The following KCNH1 variants were observed in gnomAD, a reference collection of about 807,000 sequenced individuals.
The protein encoded by KCNH1 is potassium voltage-gated channel subfamily H member 1.
Under a neutral mutation model 69.2 loss-of-function variants are expected in KCNH1, and 27 were observed. The observed-to-expected ratio is 0.39, with a 90% CI of 0.29 to 0.54. KCNH1 has a LOEUF of 0.54. Ranked by LOEUF, KCNH1 falls within the 20% of genes least tolerant of loss-of-function variation. KCNH1 has a pLI of 0.68. For missense variants in KCNH1, 798 were observed against 1,261.6 expected (o/e 0.63, Z 5.57); for synonymous variants, 456 against 487.7 (o/e 0.93, Z 0.86).
chr1:211,002,973 A>AG (rs935220764), intron 6 of KCNH1, among the ~76,000 whole-genome samples: 17 of 152,156 alleles, frequency 1.1e-4, no homozygotes, highest in Non-Finnish European at 2.5e-4. Flanking sequence ...CCACTACACC[A>AG]GGGGTCAGCC....
In KCNH1 at chr1:211,027,644, GTGAACT is replaced by G. The variant is rs1186237471; in HGVS notation, c.559-8394_559-8389del. ...ATGAAGAAGATGAAGAAAAAAATTAGTGAACTTGAACTTGAAGATAAAACAATAGAA... is the reference window on the plus strand; with the variant it reads ...ATGAAGAAGATGAAGAAAAAAATTAGTGAACTTGAAGATAAAACAATAGAA... On this transcript the variant is annotated intron_variant, in intron 5 of 10. Coordinates refer to ENST00000271751, the MANE Select transcript of KCNH1 (RefSeq NM_172362.3). 2.0e-5 allele frequency among the ~76,000 whole-genome samples: 3 copies of G among 151,440 alleles called. No homozygotes were observed. The East Asian group carries it at 5.8e-4, about 29-fold the overall frequency.
At chr1:210,779,021 C>T (rs538101832) in intron 9 of KCNH1, among the ~76,000 whole-genome samples, 84 of 152,204 alleles carry the variant, frequency 5.5e-4, no homozygotes, top group Admixed American at 3.2e-3. Context: ...AAGGGGCAAC[C>T]ATATTGTGGT....
intron 9 of KCNH1, among the ~76,000 whole-genome samples, chr1:210,795,557 T>C (rs528442055): frequency 5.3e-4 from 80 of 152,134 alleles, no homozygotes; most frequent in Non-Finnish European, 1.1e-3. Flanking sequence ...AGAGAGTCAG[T>C]TGGCTTAGGA....
chr1:210,748,841 C>G (rs1683220673), intron 10 of KCNH1, among the ~76,000 whole-genome samples: 1 of 152,230 alleles, frequency 6.6e-6, no homozygotes, highest in East Asian at 1.9e-4. Context: ...TTGAACCAGG[C>G]TTCCCACTCC....
At chr1:210,858,122 T>C (rs1316280797) in intron 7 of KCNH1, 4 of 152,216 alleles carry the variant, frequency 2.6e-5, no homozygotes, top group African/African-American at 7.2e-5. Flanking sequence ...AATCAAGACA[T>C]AATAGCTGAA....
intron 10 of KCNH1, among the ~76,000 whole-genome samples, chr1:210,747,642 C>A (rs202119691): frequency 6.9e-4 from 97 of 141,312 alleles, no homozygotes; most frequent in South Asian, 1.1e-3. Context: ...CTTTCACATG[C>A]AAAAAAAAAA....
At chr1:210,954,354 G>A (rs1468953570) in intron 6 of KCNH1, among the ~76,000 whole-genome samples, 3 of 152,134 alleles carry the variant, frequency 2.0e-5, no homozygotes, top group African/African-American at 7.2e-5. Context: ...GAATAGTGCT[G>A]CAATAAACAT....
chr1:211,091,988 G>C (rs1691060870), intron 3 of KCNH1, among the ~76,000 whole-genome samples: 1 of 152,182 alleles, frequency 6.6e-6, no homozygotes, highest in Non-Finnish European at 1.5e-5. Context: ...TCCTACAACA[G>C]CATCTAGCAG....
In KCNH1 at chr1:211,080,484, G is replaced by C. The variant is rs551239700; in HGVS notation, c.558+2296C>G. 1.2e-4 allele frequency among the ~76,000 whole-genome samples: 19 copies of C among 152,254 alleles called. No homozygotes were observed. In the East Asian group the frequency reaches 2.9e-3, roughly 23 times the overall value. ...AAAAAACTACTTTAAAGTTCATGTG[G>C]AACCAAAAAGAGCCCATATTGCCAA... is the stretch of plus-strand genomic sequence containing the variant. On this transcript the variant is annotated intron_variant, in intron 5 of 10. Transcript: ENST00000271751.
intron 7 of KCNH1, among the ~76,000 whole-genome samples, chr1:210,887,551 C>A (rs566884194): frequency 6.6e-6 from 1 of 152,114 alleles, no homozygotes; most frequent in East Asian, 1.9e-4. Context: ...ACCATATTAA[C>A]CTTAAATGTA....
In KCNH1 at chr1:210,797,369, G is replaced by A. The variant is rs1006648092; in HGVS notation, c.1915+139C>T. On this transcript the variant is annotated intron_variant, in intron 9 of 10. Transcript: ENST00000271751. ...CCAAACAGGCTCTCGCCGTTTGATT[G>A]TTGGATAGATAAGTGAATATTAGCA... The A allele has an allele frequency of 9.7e-6, 9 of 927,332 alleles. No individual in the cohort carries two copies. In the South Asian group the frequency reaches 1.4e-4, roughly 15 times the overall value. 57.4% of individuals were successfully genotyped at this position (927,332 alleles called of 1,614,324 possible).
chr1:211,034,133 T>C (rs1441013807), intron 5 of KCNH1, among the ~76,000 whole-genome samples: 1 of 152,188 alleles, frequency 6.6e-6, no homozygotes, highest in East Asian at 1.9e-4. Context: ...AACTTGTACA[T>C]GAATGTTTAT....
At chr1:210,875,440 T>C (rs562497390) in intron 7 of KCNH1, among the ~76,000 whole-genome samples, 1 of 152,292 alleles carries the variant, frequency 6.6e-6, no homozygotes, top group South Asian at 2.1e-4. Context: ...GAATCATGAG[T>C]AAAACTTATT....
At chr1:211,113,792 G>C (rs1311285702) in intron 1 of KCNH1, among the ~76,000 whole-genome samples, 1 of 152,146 alleles carries the variant, frequency 6.6e-6, no homozygotes, top group Non-Finnish European at 1.5e-5. Flanking sequence ...AGTGGAGTGA[G>C]CTGACCTTAT....
intron 10 of KCNH1, among the ~76,000 whole-genome samples, chr1:210,701,733 T>A (rs950164167): frequency 6.6e-6 from 1 of 152,208 alleles, no homozygotes; most frequent in Non-Finnish European, 1.5e-5. Flanking sequence ...ATATTTTCCA[T>A]GTTTCTAAAA....
intron 5 of KCNH1, among the ~76,000 whole-genome samples, chr1:211,048,960 A>G (rs1690142681): frequency 6.6e-6 from 1 of 152,216 alleles, no homozygotes; most frequent in Non-Finnish European, 1.5e-5. Flanking sequence ...TAGCTTCCTC[A>G]AGGATCAGAG....
At chr1:211,007,242 T>C (rs1558565396) in intron 6 of KCNH1, among the ~76,000 whole-genome samples, 1 of 152,172 alleles carries the variant, frequency 6.6e-6, no homozygotes, top group African/African-American at 2.4e-5. Flanking sequence ...AGCTAAATAT[T>C]GAATGATAAC....
intron 6 of KCNH1, among the ~76,000 whole-genome samples, chr1:210,922,358 T>G (rs1687477137): frequency 8.5e-6 from 1 of 118,314 alleles, no homozygotes; most frequent in African/African-American, 3.3e-5. Flanking sequence ...CACTCCAGCC[T>G]GGGCAACAGA....
chr1:210,986,573 G>A (rs1032674254), intron 6 of KCNH1, among the ~76,000 whole-genome samples: 1 of 152,106 alleles, frequency 6.6e-6, no homozygotes, highest in African/African-American at 2.4e-5. Context: ...GAAATTCTTG[G>A]TTGAAAATTC....
Sources: allele counts gnomAD v4.1 joint callset (sites outside exome capture counted in the v4.1 genomes callset), GRCh38; gene constraint gnomAD v4.1.1; transcripts MANE v1.5; gene names NCBI Gene and HGNC (gene_info 2026-07-23, HGNC 2026-07-21).